The following FHIT variants were observed in gnomAD, a reference collection of about 807,000 sequenced individuals.
FHIT encodes the protein bis(5'-adenosyl)-triphosphatase.
In FHIT, 19 loss-of-function variants were observed where a neutral mutation model predicts 17.9. The observed-to-expected ratio is 1.06, with a 90% CI of 0.74 to 1.56. The LOEUF is 1.56. FHIT is among the 40% of genes most tolerant of loss of function. FHIT has a pLI of 0.00. For synonymous variants in FHIT, 81 were observed against 69.7 expected (o/e 1.16, Z -0.81); for missense variants, 248 against 189.2 (o/e 1.31, Z -1.82).
At chr3:61,023,648 G>C (rs2032578515) in intron 3 of FHIT, among the ~76,000 whole-genome samples, 1 of 152,150 alleles carries the variant, frequency 6.6e-6, no homozygotes, top group African/African-American at 2.4e-5. Flanking sequence ...TACCAAAACA[G>C]ATATATAGAC....
At chr3:59,953,597 A>G (rs1436708668) in intron 7 of FHIT, among the ~76,000 whole-genome samples, 1 of 152,138 alleles carries the variant, frequency 6.6e-6, no homozygotes, top group Non-Finnish European at 1.5e-5. Context: ...GGAATCTCCA[A>G]CATATACAAT....
intron 8 of FHIT, among the ~76,000 whole-genome samples, chr3:59,787,529 C>CACACGT (rs926298770): frequency 7.4e-5 from 11 of 147,710 alleles, no homozygotes; most frequent in African/African-American, 2.8e-4. Context: ...CACACACACA[C>CACACGT]GTCAAAGGCT....
intron 3 of FHIT, among the ~76,000 whole-genome samples, chr3:60,913,685 C>G (rs1483733958): frequency 1.3e-5 from 2 of 152,218 alleles, no homozygotes; most frequent in Non-Finnish European, 2.9e-5. Flanking sequence ...CGGCTCATCT[C>G]TGCTCCATAT....
At chr3:61,208,766 A>C (rs1377027942) in intron 1 of FHIT, among the ~76,000 whole-genome samples, 1 of 151,866 alleles carries the variant, frequency 6.6e-6, no homozygotes, top group Non-Finnish European at 1.5e-5. Flanking sequence ...TTGACTCTTT[A>C]TCCAATTTGC....
intron 8 of FHIT, among the ~76,000 whole-genome samples, chr3:59,895,969 CCTTA>C (rs1345064839): frequency 6.6e-6 from 1 of 152,196 alleles, no homozygotes; most frequent in Non-Finnish European, 1.5e-5. Flanking sequence ...TCATCTAGAT[CCTTA>C]CATGGCTGGC....
chr3:60,084,126 A>C (rs1703402583), intron 5 of FHIT, among the ~76,000 whole-genome samples: 1 of 152,190 alleles, frequency 6.6e-6, no homozygotes, highest in African/African-American at 2.4e-5. Flanking sequence ...AGGATTCATA[A>C]GTCTCAGAAA....
At chr3:60,783,208 A>C (rs1700451627) in intron 4 of FHIT, among the ~76,000 whole-genome samples, 1 of 151,928 alleles carries the variant, frequency 6.6e-6, no homozygotes, top group African/African-American at 2.4e-5. Context: ...ACTGGGTCTT[A>C]TGTTCCAACA....
At position 60,937,560 on chromosome 3, in the gene FHIT, T is replaced by TTCTTC. The variant is rs1708241906; in HGVS notation, c.-111+104486_-111+104487insGAAGA. ...TACTGCTTTTTTTTTCTTTTTTCTTTTCTTTTCTTTTTTTTTTTTTTGAGA... is the reference window on the plus strand; with the variant it reads ...TACTGCTTTTTTTTTCTTTTTTCTTTTCTTCTCTTTTCTTTTTTTTTTTTTTGAGA... On this transcript the variant is annotated intron_variant, in intron 3 of 9. Transcript: ENST00000492590. Among the ~76,000 whole-genome samples the TTCTTC allele has an allele frequency of 2.4e-4, 11 of 45,172 alleles. 2 individuals carry two copies. Among genetic ancestry groups the TTCTTC allele is most frequent in the Non-Finnish European group, 6.4e-4 (8 of 12,590 alleles). 29.6% of individuals were successfully genotyped at this position (45,172 alleles called of 152,430 possible).
At chr3:61,147,219 C>T (rs2037250861) in intron 2 of FHIT, among the ~76,000 whole-genome samples, 1 of 151,930 alleles carries the variant, frequency 6.6e-6, no homozygotes, top group African/African-American at 2.4e-5. Context: ...TTAATTAAGT[C>T]TCAAGGCAAA....
intron 8 of FHIT, among the ~76,000 whole-genome samples, chr3:59,919,896 C>T (rs1005505503): frequency 5.3e-5 from 8 of 152,242 alleles, no homozygotes; most frequent in Admixed American, 2.0e-4. Flanking sequence ...AATGCCTGTG[C>T]GGTACTGCAT....
chr3:60,904,600 T>C (rs1706300118), intron 3 of FHIT, among the ~76,000 whole-genome samples: 3 of 151,926 alleles, frequency 2.0e-5, no homozygotes, highest in South Asian at 4.1e-4. Context: ...GGAGAAAATA[T>C]TTATAAAATA....
At chr3:59,776,099 G>C (rs1244884420) in intron 8 of FHIT, among the ~76,000 whole-genome samples, 1 of 152,226 alleles carries the variant, frequency 6.6e-6, no homozygotes, top group Non-Finnish European at 1.5e-5. Context: ...GGAGTTAAAT[G>C]AGCCTGAAAA....
intron 5 of FHIT, among the ~76,000 whole-genome samples, chr3:60,255,639 G>A (rs1384310624): frequency 6.6e-6 from 1 of 151,946 alleles, no homozygotes; most frequent in Non-Finnish European, 1.5e-5. Flanking sequence ...AAATTTCGGT[G>A]GCTAGTTTAT....
At chr3:60,615,503 T>G (rs1196268634) in intron 4 of FHIT, among the ~76,000 whole-genome samples, 2 of 152,218 alleles carry the variant, frequency 1.3e-5, no homozygotes, top group Non-Finnish European at 2.9e-5. Context: ...ATCAGAAATT[T>G]AAATTGGCTA....
At chr3:61,207,310 G>GT (rs2039275635) in intron 1 of FHIT, among the ~76,000 whole-genome samples, 1 of 152,098 alleles carries the variant, frequency 6.6e-6, no homozygotes, top group South Asian at 2.1e-4. Flanking sequence ...CCCAGCTTTG[G>GT]TATCAGGATG....
At chr3:59,864,754 G>A (rs991281610) in intron 8 of FHIT, among the ~76,000 whole-genome samples, 2 of 151,260 alleles carry the variant, frequency 1.3e-5, no homozygotes, top group Non-Finnish European at 2.9e-5. Context: ...GCTTTTCTGT[G>A]GAAGAAGGAA....
intron 1 of FHIT, among the ~76,000 whole-genome samples, chr3:61,241,470 A>C (rs2040371620): frequency 1.3e-5 from 2 of 152,212 alleles, no homozygotes; most frequent in South Asian, 4.1e-4. Context: ...GACTTCTCAG[A>C]AAATAAAAAT....
At chr3:60,353,110 G>T (rs1373731687) in intron 5 of FHIT, among the ~76,000 whole-genome samples, 1 of 152,094 alleles carries the variant, frequency 6.6e-6, no homozygotes, top group Non-Finnish European at 1.5e-5. Context: ...AAAATTTCAA[G>T]GTGATCTTAA....
At chr3:59,902,910 T>C (rs991917345) in intron 8 of FHIT, among the ~76,000 whole-genome samples, 2 of 152,172 alleles carry the variant, frequency 1.3e-5, no homozygotes, top group African/African-American at 4.8e-5. Flanking sequence ...TATTGTATAC[T>C]TGAAATTTGC....
Sources: allele counts gnomAD v4.1 joint callset (sites outside exome capture counted in the v4.1 genomes callset), GRCh38; gene constraint gnomAD v4.1.1; transcripts MANE v1.5; gene names NCBI Gene and HGNC (gene_info 2026-07-23, HGNC 2026-07-21).